Variants in STKLD1 observed in about 807,000 individuals in gnomAD.
STKLD1 encodes the protein serine/threonine kinase like domain containing 1, also known as serine/threonine kinase-like domain-containing protein STKLD1.
A neutral mutation model predicts 80.4 loss-of-function variants in STKLD1; 79 were observed. That is an observed-to-expected ratio of 0.98 (90% confidence interval 0.82 to 1.19). STKLD1 has a LOEUF of 1.19. STKLD1 is among the 50% of genes most tolerant of loss of function. STKLD1 has a pLI of 0.00. For missense variants in STKLD1, 841 were observed against 856.0 expected (o/e 0.98, Z 0.22); for synonymous variants, 393 against 357.6 (o/e 1.10, Z -1.12).
In STKLD1 at chr9:133,394,767, T is replaced by G. The variant is rs41296097; in HGVS notation, c.702+358T>G. 3.5e-6 allele frequency: 1 copy of G among 283,646 alleles called. No individual in the cohort carries two copies. Among genetic ancestry groups the G allele is most frequent in the Non-Finnish European group, 6.8e-6 (1 of 146,492 alleles). The allele number at this position is 283,646 out of a possible 1,614,324, so 17.6% of individuals were successfully genotyped here. A position where few individuals can be genotyped will look rare whatever the true frequency, so the allele number is the denominator to read the frequency against. The stretch of plus-strand genomic sequence containing the variant: ...AGTTGCAAGCAACGGGAACCCAGTG[T>G]GGGCCTGAACACACCTGGCTGTCTC... On this transcript the variant is annotated intron_variant, in intron 8 of 17. Transcript: ENST00000371957. The surrounding 1 kb of genome is among the most constrained non-coding windows in gnomAD (Gnocchi z 4.9).
intron 2 of STKLD1, among the ~76,000 whole-genome samples, chr9:133,381,909 T>G (rs2130267185): frequency 6.6e-6 from 1 of 152,220 alleles, no homozygotes; most frequent in East Asian, 1.9e-4. Context: ...TCCATAGATC[T>G]GGGAACAATT....
chr9:133,379,075 C>A lies in STKLD1; in HGVS notation c.127C>A (p.Leu43Met). The A allele has an allele frequency of 1.2e-6, 2 of 1,613,974 alleles. No homozygotes were observed. Among genetic ancestry groups the A allele is most frequent in the Non-Finnish European group, 1.7e-6 (2 of 1,179,926 alleles). ...QLNPGALGVN[L>M]VVEEMETKVK... is the part of the protein sequence containing the mutation. ...GAATCCTGGGGCCTTGGGGGTGAAC[C>A]TGGTGGTGGAGGAAATGGAAACCAA... The change falls in exon 2 of 18, where the codon CTG (leucine) becomes ATG (methionine). Residue 43 changes from leucine (L) to methionine (M), a missense_variant. Coordinates refer to ENST00000371957, the MANE Select transcript of STKLD1 (RefSeq NM_153710.5).
At position 133,405,495 on chromosome 9, in the gene STKLD1, C is replaced by T; in HGVS notation, c.*74C>T. On this transcript the variant is annotated 3_prime_UTR_variant, in exon 18 of 18. Coordinates refer to ENST00000371957, the MANE Select transcript of STKLD1 (RefSeq NM_153710.5). ...CTGCTCTCCTGCCTGCCTATTATCCCATCTCTATGACTGGGCCAAAATCAA... is the reference window on the plus strand; with the variant it reads ...CTGCTCTCCTGCCTGCCTATTATCCTATCTCTATGACTGGGCCAAAATCAA... 6.9e-7 allele frequency: 1 copy of T among 1,459,126 alleles called. No homozygotes were observed. The highest frequency in any genetic ancestry group is 1.4e-5 in the African/African-American group (1 of 70,866). 90.4% of individuals were successfully genotyped at this position (1,459,126 alleles called of 1,614,324 possible).
chr9:133,377,286 A>C (rs1838002294), intron 1 of STKLD1, among the ~76,000 whole-genome samples: 1 of 152,124 alleles, frequency 6.6e-6, no homozygotes, highest in South Asian at 2.1e-4. Flanking sequence ...TTGATTCGAG[A>C]TACGGCTCCA....
At chr9:133,387,095 T>C (rs1210485953) in intron 4 of STKLD1, among the ~76,000 whole-genome samples, 1 of 152,022 alleles carries the variant, frequency 6.6e-6, no homozygotes, top group African/African-American at 2.4e-5. Context: ...TCAGAGGAAA[T>C]GGGTCTGAGC....
chr9:133,402,262 G>A (rs1554777833), intron 13 of STKLD1, among the ~76,000 whole-genome samples: 1 of 152,176 alleles, frequency 6.6e-6, no homozygotes, highest in African/African-American at 2.4e-5. Context: ...ACTGTGGGAA[G>A]GAGAGGGCCA....
Position 133,402,907 on chromosome 9 carries a change from AATGCT to A in STKLD1, c.1370_1374del (p.Asn457ArgfsTer85), listed in dbSNP as rs1554777949. 1 of 1,592,822 alleles carries A rather than the reference AATGCT, an allele frequency of 6.3e-7. No homozygotes were observed. The highest frequency in any genetic ancestry group is 2.3e-5 in the East Asian group (1 of 43,740). On this transcript the variant is annotated frameshift_variant, in exon 14 of 18. Transcript: ENST00000371957. LOFTEE classifies it high-confidence loss of function. The stretch of plus-strand genomic sequence containing the variant: ...AGAGTCACTGTCAGAGGAGCTGCAG[AATGCT>A]GGGCTGCTGGAGCACATCCTGGAGC...
chr9:133,400,008 C>T (rs1009787234), intron 11 of STKLD1, among the ~76,000 whole-genome samples: 1 of 152,214 alleles, frequency 6.6e-6, no homozygotes, highest in East Asian at 1.9e-4. Context: ...CACCCAGTCC[C>T]CAGCCCACAA....
rs1838507034 is a variant in STKLD1, at chr9:133,394,487, C to T, written c.702+78C>T. 9.8e-7 allele frequency: 1 copy of T among 1,022,230 alleles called. No individual in the cohort carries two copies. The highest frequency in any genetic ancestry group is 1.5e-6 in the Non-Finnish European group (1 of 648,130). 63.3% of individuals were successfully genotyped at this position (1,022,230 alleles called of 1,614,324 possible). ...GCCTGGGGAAAAGGCTTGGCCTCACCCTGCCTCCCCTCTGCATCCCTTCCC... is the reference window on the plus strand; with the variant it reads ...GCCTGGGGAAAAGGCTTGGCCTCACTCTGCCTCCCCTCTGCATCCCTTCCC... On this transcript the variant is annotated intron_variant, in intron 8 of 17. Transcript: ENST00000371957. The surrounding 1 kb of genome is among the most constrained non-coding windows in gnomAD (Gnocchi z 4.9).
At chr9:133,402,242 T>A (rs943623) in intron 13 of STKLD1, among the ~76,000 whole-genome samples, 8 of 151,990 alleles carry the variant, frequency 5.3e-5, no homozygotes, top group Admixed American at 2.6e-4. Context: ...TTCCGAAGCC[T>A]CCAGCCAGGA....
intron 10 of STKLD1, 132 bp from the exon 11 acceptor site, chr9:133,397,840 C>A: frequency 2.9e-6 from 2 of 679,332 alleles, no homozygotes; most frequent in South Asian, 3.9e-5. Context: ...ACAGCCCCTC[C>A]CTCTCATCCT....
intron 17 of STKLD1, 41 bp downstream of exon 17, chr9:133,404,970 G>C: frequency 1.2e-6 from 2 of 1,602,804 alleles, no homozygotes; most frequent in Non-Finnish European, 1.7e-6. Flanking sequence ...AGAGCCCAGC[G>C]GTCAGGGGTG....
Position 133,395,683 on chromosome 9 carries a change from G to A in STKLD1, c.786G>A (p.Lys262=), listed in dbSNP as rs373464656. The part of the protein sequence containing the change: ...LKAVLKTMEE[K]QIPDVETFRN... ...CCGTCCTGAAGACAATGGAGGAGAA[G>A]CAGATCCCGGATGTGGAAACCTTCA... is the stretch of plus-strand genomic sequence containing the variant. Residue 262 remains lysine (K), a synonymous_variant, in exon 9 of 18, where the codon AAG becomes AAA. Coordinates refer to ENST00000371957, the MANE Select transcript of STKLD1 (RefSeq NM_153710.5). 518 of 1,613,486 alleles carry A rather than the reference G, an allele frequency of 3.2e-4. No individual in the cohort carries two copies. Among genetic ancestry groups the A allele is most frequent in the Non-Finnish European group, 4.0e-4 (470 of 1,180,028 alleles).
At position 133,394,300 on chromosome 9, in the gene STKLD1, G is replaced by A. The variant is rs368293299; in HGVS notation, c.593G>A (p.Arg198His). 8.3e-5 allele frequency: 134 copies of A among 1,613,072 alleles called. No homozygotes were observed. The highest frequency in any genetic ancestry group is 9.9e-5 in the Non-Finnish European group (117 of 1,179,332). Residue 198 changes from arginine (R) to histidine (H), a missense_variant, in exon 8 of 18, where the codon CGT (arginine) becomes CAT (histidine). Physicochemically the swap from Arg to His is conservative, Grantham distance 29. Coordinates refer to ENST00000371957, the MANE Select transcript of STKLD1 (RefSeq NM_153710.5). The surrounding 1 kb of genome is among the most constrained non-coding windows in gnomAD (Gnocchi z 4.9). ...TTGCTTTTACCAACAGACCCCTTTC[G>A]TAAGTCCTGGATGGCCCCTGAAGCC... ...WNIRAEEDPFRKSWMAPEALN... is the reference protein window; with the variant it reads ...WNIRAEEDPFHKSWMAPEALN...
intron 10 of STKLD1, among the ~76,000 whole-genome samples, chr9:133,397,766 C>T (rs1838599951): frequency 1.3e-5 from 2 of 152,254 alleles, no homozygotes; most frequent in Middle Eastern, 3.4e-3. Context: ...AAGACAGAGA[C>T]TTGGGTTCTA....
Position 133,397,973 on chromosome 9 carries a change from G to A in STKLD1, c.999G>A (p.Glu333=), listed in dbSNP as rs1004592776. The change falls in exon 11 of 18, where the codon GAG becomes GAA. Residue 333 remains glutamate, a splice_region_variant and synonymous_variant. Coordinates refer to ENST00000371957, the MANE Select transcript of STKLD1 (RefSeq NM_153710.5). ...TCCCCTGCCTTCCTGTCCCTGCAGA[G>A]GTCATGCAGAAATTCTCTGGCTGGC... The part of the protein sequence containing the change: ...LLEGNVASIL[E]VMQKFSGWPE... 6.2e-7 allele frequency: 1 copy of A among 1,613,248 alleles called. No homozygotes were observed. The highest frequency in any genetic ancestry group is 8.5e-7 in the Non-Finnish European group (1 of 1,179,672).
intron 12 of STKLD1, among the ~76,000 whole-genome samples, chr9:133,400,792 C>G (rs956655478): frequency 6.6e-5 from 10 of 152,226 alleles, no homozygotes; most frequent in African/African-American, 2.2e-4. Flanking sequence ...CTGTGCCCAT[C>G]AGACCCCATC....
At chr9:133,398,276 A>G (rs1838613471) in intron 11 of STKLD1, among the ~76,000 whole-genome samples, 1 of 152,170 alleles carries the variant, frequency 6.6e-6, no homozygotes, top group African/African-American at 2.4e-5. Flanking sequence ...CAGCCCTCAC[A>G]TGATTTTAAT....
Position 133,405,712 on chromosome 9 carries a change from A to C in STKLD1, c.*291A>C, listed in dbSNP as rs1020632127. The stretch of plus-strand genomic sequence containing the variant: ...GAGGCTGGAGGCAGCCACCTCTCCC[A>C]GCCCACTGGGTGGGGAAGCAGCTCA... On this transcript the variant is annotated 3_prime_UTR_variant, in exon 18 of 18. Transcript: ENST00000371957. 8 of 277,774 alleles carry C rather than the reference A, an allele frequency of 2.9e-5. No homozygotes were observed. Among genetic ancestry groups the C allele is most frequent in the African/African-American group, 1.8e-4 (8 of 44,930 alleles). The allele number at this position is 277,774 out of a possible 1,614,324, so 17.2% of individuals were successfully genotyped here. A position where few individuals can be genotyped will look rare whatever the true frequency, so the allele number is the denominator to read the frequency against.
Sources: gnomAD v4.1 joint callset for allele counts (sites outside exome capture counted in the v4.1 genomes callset) on GRCh38, gnomAD v4.1.1 for gene constraint, Gnocchi (gnomAD v3.1) non-coding constraint, MANE v1.5 for transcripts, NCBI Gene and HGNC (gene_info 2026-07-23, HGNC 2026-07-21) for gene names.